The following TRPM3 variants were observed in gnomAD, a reference collection of about 807,000 sequenced individuals.
TRPM3 encodes the protein transient receptor potential cation channel subfamily M member 3, also known as long transient receptor potential channel 3.
TRPM3 carries 77 observed loss-of-function variants against 181.2 expected under a neutral mutation model. The observed-to-expected ratio is 0.42, with a 90% CI of 0.35 to 0.51. The LOEUF is 0.51. Ranked by LOEUF, TRPM3 falls within the 20% of genes least tolerant of loss-of-function variation. TRPM3 has a pLI of 0.01. For synonymous variants in TRPM3, 745 were observed against 796.4 expected, an observed-to-expected ratio of 0.94 and a Z score of 1.09; for missense variants, 1,759 against 2,196.7, an observed-to-expected ratio of 0.80 and a Z score of 3.98.
In TRPM3 at chr9:71,413,712, C is replaced by G. The variant is rs2093596093; in HGVS notation, c.183+32941G>C. On this transcript the variant is annotated intron_variant, in intron 1 of 24. Coordinates refer to the TRPM3 transcript ENST00000357533. ...AGGGCTTGTGGAAGTAGTTCCCCTTCTGCCATGTGAGGTCATGGCACTCTT... is the reference window on the plus strand; with the variant it reads ...AGGGCTTGTGGAAGTAGTTCCCCTTGTGCCATGTGAGGTCATGGCACTCTT... Among the ~76,000 whole-genome samples, 3 of 151,994 alleles carry G rather than the reference C, an allele frequency of 2.0e-5. No individual in the cohort carries two copies. In the South Asian group the frequency reaches 6.2e-4, roughly 31 times the overall value.
chr9:71,259,474 C>A (rs1396444727), intron 1 of TRPM3, among the ~76,000 whole-genome samples: 1 of 152,148 alleles, frequency 6.6e-6, no homozygotes, highest in Non-Finnish European at 1.5e-5. Context: ...CACACTGTCT[C>A]CCACAATGGT....
At chr9:71,104,637 G>A (rs2069107164) in intron 1 of TRPM3, among the ~76,000 whole-genome samples, 1 of 152,100 alleles carries the variant, frequency 6.6e-6, no homozygotes, top group South Asian at 2.1e-4. Flanking sequence ...AACCACAATA[G>A]TAACTCAATA....
chr9:70,863,011 A>T lies in TRPM3; in HGVS notation c.359T>A (p.Ile120Asn), dbSNP rs760726905. 4.3e-6 allele frequency: 7 copies of T among 1,613,630 alleles called. No individual in the cohort carries two copies. The highest frequency in any genetic ancestry group is 4.2e-6 in the Non-Finnish European group (5 of 1,179,722). ...KNESRLSRND[I>N]QSEKWSISKH... ...GCTGATGGACCACTTTTCAGACTGGATGTCATTTCGGGAGAGGCGACTTTC... is the reference window on the plus strand; with the variant it reads ...GCTGATGGACCACTTTTCAGACTGGTTGTCATTTCGGGAGAGGCGACTTTC... Residue 120 changes from isoleucine (I) to asparagine (N), a missense_variant, in exon 3 of 26, where the codon ATC becomes AAC. By Grantham distance (149) the Ile-to-Asn change is moderately radical (BLOSUM62 -3). Transcript: ENST00000677713.
chr9:70,841,593 T>C (rs1179777403), intron 5 of TRPM3, among the ~76,000 whole-genome samples: 1 of 144,122 alleles, frequency 6.9e-6, no homozygotes. Flanking sequence ...TGTCCATCAA[T>C]GGAGGATTGG....
intron 1 of TRPM3, among the ~76,000 whole-genome samples, chr9:70,977,425 C>T (rs2097315558): frequency 6.6e-6 from 1 of 152,224 alleles, no homozygotes; most frequent in Admixed American, 6.5e-5. Flanking sequence ...TGAGCCACCA[C>T]GCCTGGCCCA....
Position 70,536,625 on chromosome 9 carries a change from G to A in TRPM3, c.4488C>T (p.Asn1496=). 1.9e-6 allele frequency: 3 copies of A among 1,614,080 alleles called. 1 individual carries two copies. In the South Asian group the frequency reaches 3.3e-5, roughly 18 times the overall value. ...SDYTHLPECQ[N]PWDSEPPMYH... is the part of the protein sequence containing the mutation. ...ACATCGGAGGCTCTGAGTCCCAGGGGTTTTGGCATTCTGGGAGGTGGGTGT... is the reference window on the plus strand; with the variant it reads ...ACATCGGAGGCTCTGAGTCCCAGGGATTTTGGCATTCTGGGAGGTGGGTGT... Residue 1496 remains asparagine (N), a synonymous_variant, in exon 26 of 26, where the codon AAC becomes AAT. Transcript: ENST00000677713.
intron 1 of TRPM3, among the ~76,000 whole-genome samples, chr9:71,006,567 T>C (rs867071561): frequency 4.6e-5 from 7 of 152,092 alleles, no homozygotes; most frequent in African/African-American, 1.4e-4. Context: ...GCTACACTTA[T>C]ATCTGATAAA....
At chr9:70,595,561 A>C (rs557436192) in intron 21 of TRPM3, among the ~76,000 whole-genome samples, 1 of 152,208 alleles carries the variant, frequency 6.6e-6, no homozygotes, top group African/African-American at 2.4e-5. Flanking sequence ...GCCTAATTTT[A>C]TAGCTATTAT....
intron 1 of TRPM3, among the ~76,000 whole-genome samples, chr9:70,877,464 G>A (rs903403057): frequency 1.4e-4 from 22 of 152,128 alleles, no homozygotes; most frequent in African/African-American, 5.3e-4. Context: ...TATTTCAAAT[G>A]TAAATTTTTG....
intron 6 of TRPM3, among the ~76,000 whole-genome samples, chr9:70,806,505 A>T (rs2090717820): frequency 6.6e-6 from 1 of 152,058 alleles, no homozygotes; most frequent in African/African-American, 2.4e-5. Flanking sequence ...AGCCTGGCCA[A>T]TATGGTGAAA....
intron 6 of TRPM3, chr9:70,826,982 T>C (rs1034543): frequency 0.44 from 66,273 of 152,058 alleles, 15,315 homozygotes; most frequent in Non-Finnish European, 0.5. Context: ...GTTTTGATGA[T>C]GCTACCTTTC....
chr9:70,834,826 G>A (rs978116358), intron 5 of TRPM3, among the ~76,000 whole-genome samples: 11 of 152,162 alleles, frequency 7.2e-5, no homozygotes, highest in Admixed American at 1.3e-4. Context: ...GACAAGCCAC[G>A]CATACATTCC....
chr9:70,810,824 T>C (rs1213097136), intron 6 of TRPM3, among the ~76,000 whole-genome samples: 2 of 152,154 alleles, frequency 1.3e-5, no homozygotes, highest in Non-Finnish European at 2.9e-5. Context: ...TTTCATCAAC[T>C]GTATAAAAGG....
intron 1 of TRPM3, among the ~76,000 whole-genome samples, chr9:71,332,465 G>C (rs2090275834): frequency 6.6e-6 from 1 of 150,520 alleles, no homozygotes; most frequent in Non-Finnish European, 1.5e-5. Flanking sequence ...TGACAATTGA[G>C]CTAAGAGAGA....
intron 22 of TRPM3, 119 bp from the exon 23 acceptor site, chr9:70,553,429 A>T: frequency 7.7e-7 from 1 of 1,304,568 alleles, no homozygotes; most frequent in Non-Finnish European, 1.0e-6. Context: ...TCTCAAACAG[A>T]AAAAAGTTCC....
At chr9:71,177,722 A>G (rs1056452871) in intron 1 of TRPM3, among the ~76,000 whole-genome samples, 7 of 152,118 alleles carry the variant, frequency 4.6e-5, no homozygotes, top group Admixed American at 3.9e-4. Context: ...CCAGGCCACA[A>G]CCTTCACTGG....
intron 5 of TRPM3, among the ~76,000 whole-genome samples, chr9:70,829,771 A>G (rs1195622337): frequency 6.6e-6 from 1 of 152,182 alleles, no homozygotes; most frequent in Non-Finnish European, 1.5e-5. Flanking sequence ...TGATTGCGTA[A>G]GAGTCCCCCG....
intron 1 of TRPM3, among the ~76,000 whole-genome samples, chr9:71,310,222 T>A (rs2087784900): frequency 6.6e-6 from 1 of 152,102 alleles, no homozygotes; most frequent in South Asian, 2.1e-4. Context: ...AATTATAATC[T>A]ATTATGTTGT....
intron 1 of TRPM3, among the ~76,000 whole-genome samples, chr9:70,920,729 T>C (rs1053091095): frequency 6.6e-6 from 1 of 152,186 alleles, no homozygotes; most frequent in East Asian, 1.9e-4. Context: ...AGGAAAGATA[T>C]AATGCCAAAA....
Sources: allele counts gnomAD v4.1 joint callset (sites outside exome capture counted in the v4.1 genomes callset), GRCh38; gene constraint gnomAD v4.1.1; transcripts MANE v1.5; gene names NCBI Gene and HGNC (gene_info 2026-07-23, HGNC 2026-07-21).